Variants in ANKS4B observed in about 807,000 individuals in gnomAD.
The protein encoded by ANKS4B is ankyrin repeat and SAM domain-containing protein 4B.
In ANKS4B, 21 loss-of-function variants were observed where a neutral mutation model predicts 20.2. That is an observed-to-expected ratio of 1.04 (90% CI 0.74 to 1.50). The LOEUF (loss-of-function observed/expected upper bound fraction) is 1.50, where lower values mean the gene tolerates loss of function less well. Ranked by LOEUF, ANKS4B falls within the 40% of genes most tolerant of loss-of-function variation. The pLI is 0.00. For missense variants in ANKS4B, 473 were observed against 494.6 expected (o/e 0.96, Z 0.41); for synonymous variants, 179 against 194.5 (o/e 0.92, Z 0.66).
chr16:21,247,276 G>A (rs141477381), intron 1 of ANKS4B, among the ~76,000 whole-genome samples: 17 of 152,184 alleles, frequency 1.1e-4, no homozygotes, highest in African/African-American at 4.1e-4. Context: ...TGTTGACCAG[G>A]CTGATCTTGA....
intron 1 of ANKS4B, among the ~76,000 whole-genome samples, chr16:21,248,964 T>G (rs936841694): frequency 1.3e-5 from 2 of 152,162 alleles, no homozygotes; most frequent in African/African-American, 4.8e-5. Context: ...GTGGATGTAT[T>G]TACACCACAG....
chr16:21,250,142 C>G lies in ANKS4B; in HGVS notation c.576C>G (p.Gly192=). The change falls in exon 2 of 2, where the codon GGC becomes GGG. Residue 192 remains glycine (G), a synonymous_variant. Transcript: ENST00000311620. ...RSSPSNASAP[G]TFGSLSKGIK... ...CCCCTTCAAATGCTTCTGCTCCTGG[C>G]ACATTCGGGTCACTATCTAAGGGCA... 6.2e-7 allele frequency: 1 copy of G among 1,614,134 alleles called. No individual in the cohort carries two copies. The highest frequency in any genetic ancestry group is 1.3e-5 in the African/African-American group (1 of 75,006).
In ANKS4B at chr16:21,250,833, G is replaced by A; in HGVS notation, c.*13G>A. 6.3e-7 allele frequency: 1 copy of A among 1,576,508 alleles called. No individual in the cohort carries two copies. Among genetic ancestry groups the A allele is most frequent in the South Asian group, 1.2e-5 (1 of 86,562 alleles). ...CACCAGCCTGTGATGGAGAGTTTTG[G>A]CCTGGAGCATTGGGGTGATGCTGTG... On this transcript the variant is annotated 3_prime_UTR_variant, in exon 2 of 2. Coordinates refer to ENST00000311620, the MANE Select transcript of ANKS4B (RefSeq NM_145865.3).
chr16:21,252,451 G>A lies in ANKS4B; in HGVS notation c.*1631G>A, dbSNP rs1036699034. The A allele has an allele frequency of 1.3e-5, 2 of 152,282 alleles. No individual in the cohort carries two copies. The highest frequency in any genetic ancestry group is 2.9e-5 in the Non-Finnish European group (2 of 68,058). The allele number at this position is 152,282 out of a possible 1,614,324, so 9.4% of individuals were successfully genotyped here. ...TGCTGTTGTTGAAGCCATCCAGTCT[G>A]TGGCATTTTGTTATGGCAGTCCTAG... On this transcript the variant is annotated 3_prime_UTR_variant, in exon 2 of 2. Transcript: ENST00000311620.
At chr16:21,241,716 T>A (rs776449520) in intron 1 of ANKS4B, among the ~76,000 whole-genome samples, 3 of 152,194 alleles carry the variant, frequency 2.0e-5, no homozygotes, top group Non-Finnish European at 4.4e-5. Flanking sequence ...CTGGCCAGTT[T>A]CATTATTTTT....
Position 21,237,684 on chromosome 16 carries a change from G to A in ANKS4B, c.164+3783G>A, listed in dbSNP as rs370851687. Among the ~76,000 whole-genome samples, 7 of 152,034 alleles carry A rather than the reference G, an allele frequency of 4.6e-5. No homozygotes were observed. The South Asian group carries it at 6.2e-4, about 14-fold the overall frequency. On this transcript the variant is annotated intron_variant, in intron 1 of 1. Coordinates refer to ENST00000311620, the MANE Select transcript of ANKS4B (RefSeq NM_145865.3). ...AGGGTAGAGTCTTCATGACTCAATC[G>A]TCTCCTAAAGGCCACACTGCTTAAC...
At chr16:21,241,705 C>G (rs986291220) in intron 1 of ANKS4B, among the ~76,000 whole-genome samples, 10 of 152,072 alleles carry the variant, frequency 6.6e-5, no homozygotes, top group African/African-American at 2.4e-4. Flanking sequence ...AGCTACTGTG[C>G]CTGGCCAGTT....
intron 1 of ANKS4B, among the ~76,000 whole-genome samples, chr16:21,241,006 C>T (rs1386147361): frequency 6.6e-6 from 1 of 152,130 alleles, no homozygotes; most frequent in African/African-American, 2.4e-5. Flanking sequence ...GTTGGCCAGG[C>T]CGGTCTCGAA....
intron 1 of ANKS4B, among the ~76,000 whole-genome samples, chr16:21,248,841 G>A (rs7195761): frequency 0.65 from 99,385 of 152,078 alleles, 34,989 homozygotes; most frequent in African/African-American, 0.91. Flanking sequence ...CTCTTAAGAT[G>A]ATTCATGTCC....
Position 21,250,171 on chromosome 16 carries a change from A to G in ANKS4B, c.605A>G (p.Lys202Arg). 6.2e-7 allele frequency: 1 copy of G among 1,614,196 alleles called. No homozygotes were observed. The highest frequency in any genetic ancestry group is 1.1e-5 in the South Asian group (1 of 91,086). ...GTFGSLSKGIKDTFKIKFKKN... is the reference protein window; with the variant it reads ...GTFGSLSKGIRDTFKIKFKKN... ...TTCGGGTCACTATCTAAGGGCATTA[A>G]AGACACTTTCAAGATCAAGTTCAAG... The change falls in exon 2 of 2, where the codon AAA becomes AGA. Residue 202 changes from lysine to arginine, a missense_variant. Physicochemically the swap from Lys to Arg is conservative, Grantham distance 26. Coordinates refer to ENST00000311620, the MANE Select transcript of ANKS4B (RefSeq NM_145865.3).
At chr16:21,240,752 G>A (rs918323908) in intron 1 of ANKS4B, among the ~76,000 whole-genome samples, 1 of 149,968 alleles carries the variant, frequency 6.7e-6, no homozygotes, top group Non-Finnish European at 1.5e-5. Flanking sequence ...TAAAAGTTGA[G>A]ATCCACGCCA....
Position 21,250,349 on chromosome 16 carries a change from C to T in ANKS4B, c.783C>T (p.His261=). 9 of 1,614,118 alleles carry T rather than the reference C, an allele frequency of 5.6e-6. No individual in the cohort carries two copies. The highest frequency in any genetic ancestry group is 7.6e-6 in the Non-Finnish European group (9 of 1,180,020). Residue 261 remains histidine, a synonymous_variant, in exon 2 of 2, where the codon CAC becomes CAT. Coordinates refer to ENST00000311620, the MANE Select transcript of ANKS4B (RefSeq NM_145865.3). ...QLSAEEDGSV[H]HESILNRPGL... ...CAGCAGAGGAGGACGGCAGTGTGCA[C>T]CATGAATCCATTCTCAATCGTCCAG...
chr16:21,250,981 G>A lies in ANKS4B; in HGVS notation c.*161G>A. 5.3e-6 allele frequency: 5 copies of A among 942,600 alleles called. No homozygotes were observed. The highest frequency in any genetic ancestry group is 7.6e-6 in the Non-Finnish European group (5 of 661,220). 58.4% of individuals were successfully genotyped at this position (942,600 alleles called of 1,614,324 possible). On this transcript the variant is annotated 3_prime_UTR_variant, in exon 2 of 2. Coordinates refer to ENST00000311620, the MANE Select transcript of ANKS4B (RefSeq NM_145865.3). ...GACCCAAACTTTACTCTGGGAGGTA[G>A]GCTATGCCCATCCAAATAAATCTCC...
intron 1 of ANKS4B, 94 bp downstream of exon 1, chr16:21,233,995 T>C: frequency 1.7e-6 from 2 of 1,198,038 alleles, no homozygotes; most frequent in Non-Finnish European, 2.3e-6. Context: ...ACAAATACTT[T>C]ATCCTCTTTC....
chr16:21,241,210 A>C (rs2093326152), intron 1 of ANKS4B, among the ~76,000 whole-genome samples: 1 of 152,126 alleles, frequency 6.6e-6, no homozygotes, highest in Non-Finnish European at 1.5e-5. Context: ...GCATGGTACC[A>C]AATAGTTTTT....
At chr16:21,243,707 G>T (rs183451197) in intron 1 of ANKS4B, among the ~76,000 whole-genome samples, 138 of 152,194 alleles carry the variant, frequency 9.1e-4, no homozygotes, top group South Asian at 7.3e-3. Flanking sequence ...GAGTAGCTGG[G>T]ACTACAGGTA....
chr16:21,234,602 T>C (rs183694470), intron 1 of ANKS4B, among the ~76,000 whole-genome samples: 1 of 152,066 alleles, frequency 6.6e-6, no homozygotes, highest in Admixed American at 6.6e-5. Context: ...GGCTAGGTTG[T>C]GTTGGCAACC....
At chr16:21,234,483 TACAC>T (rs34242527) in intron 1 of ANKS4B, among the ~76,000 whole-genome samples, 1,924 of 124,700 alleles carry the variant, frequency 0.015, 14 homozygotes, top group Middle Eastern at 0.023. Context: ...AGTGGATAGA[TACAC>T]ACACACACAC....
rs914801926 is a variant in ANKS4B at position 21,253,039 on chromosome 16, A to G, written c.*2219A>G. ...CTCCATCTCAAAAAAAAAAAAAAAA[A>G]AAAAGAAAAAAGAAACTGACAACAC... On this transcript the variant is annotated 3_prime_UTR_variant, in exon 2 of 2. Transcript: ENST00000311620. 1.7e-4 allele frequency: 26 copies of G among 151,788 alleles called. No individual in the cohort carries two copies. Among genetic ancestry groups the G allele is most frequent in the Admixed American group, 7.9e-4 (12 of 15,248 alleles). 9.4% of individuals were successfully genotyped at this position (151,788 alleles called of 1,614,324 possible).
Sources: gnomAD v4.1 joint callset for allele counts (sites outside exome capture counted in the v4.1 genomes callset) on GRCh38, gnomAD v4.1.1 for gene constraint, MANE v1.5 for transcripts, NCBI Gene and HGNC (gene_info 2026-07-23, HGNC 2026-07-21) for gene names.